The following VPS37A variants were observed in gnomAD, a reference collection of about 807,000 sequenced individuals.
The protein encoded by VPS37A is VPS37A subunit of ESCRT-I, also known as vacuolar protein sorting-associated protein 37A.
Under a neutral mutation model 49.8 loss-of-function variants are expected in VPS37A, and 30 were observed. The ratio of observed to expected loss-of-function variants is 0.60; its 90% CI spans 0.45 to 0.82. VPS37A has a LOEUF of 0.82. Among genes scored for constraint, VPS37A ranks in the 40% least tolerant of loss-of-function variants. The pLI is 0.00. For missense variants in VPS37A, 593 were observed against 464.4 expected (o/e 1.28, Z -2.55); for synonymous variants, 195 against 160.6 (o/e 1.21, Z -1.62).
chr8:17,311,788 G>A, the VPS37A span: 9 of 1,241,950 alleles, frequency 7.2e-6, no homozygotes, highest in Non-Finnish European at 1.0e-5. Flanking sequence ...CCCCTAATTA[G>A]GGCAGAGCCA....
chr8:17,289,896 T>C (rs1815980544), intron 11 of VPS37A, among the ~76,000 whole-genome samples: 1 of 152,204 alleles, frequency 6.6e-6, no homozygotes, highest in Admixed American at 6.5e-5. Flanking sequence ...TGGTTTGTAG[T>C]TCTCCTTGAA....
At chr8:17,322,282 C>G in the VPS37A span, among the ~76,000 whole-genome samples, 2 of 152,158 alleles carry the variant, frequency 1.3e-5, no homozygotes, top group African/African-American at 2.4e-5. Context: ...ATGGCCTGTA[C>G]GAGCGAAGTG....
downstream of VPS37A, chr8:17,305,779 G>C: frequency 1.2e-6 from 2 of 1,612,412 alleles, no homozygotes; most frequent in Non-Finnish European, 1.7e-6. Flanking sequence ...CTCTCCTTTT[G>C]GCTGTTACAT....
chr8:17,319,001 A>C, the VPS37A span, among the ~76,000 whole-genome samples: 1 of 152,250 alleles, frequency 6.6e-6, no homozygotes, highest in Admixed American at 6.5e-5. Context: ...TTTTAACAGC[A>C]GGGATTTCAC....
intron 9 of VPS37A, among the ~76,000 whole-genome samples, chr8:17,281,464 T>G (rs1485788758): frequency 1.3e-5 from 2 of 152,030 alleles, no homozygotes; most frequent in Admixed American, 6.5e-5. Context: ...AACATCATTC[T>G]TTATACAAAC....
At chr8:17,326,014 G>C in the VPS37A span, among the ~76,000 whole-genome samples, 67 of 152,316 alleles carry the variant, frequency 4.4e-4, no homozygotes, top group African/African-American at 1.4e-3. Context: ...ATGAATTAAA[G>C]TGGGGAAGAT....
At chr8:17,319,643 A>C in the VPS37A span, among the ~76,000 whole-genome samples, 1 of 152,140 alleles carries the variant, frequency 6.6e-6, no homozygotes, top group Non-Finnish European at 1.5e-5. Context: ...CAATCCTCAA[A>C]CAATCATTCT....
intron 4 of VPS37A, among the ~76,000 whole-genome samples, chr8:17,273,566 C>T (rs1334006857): frequency 6.6e-6 from 1 of 152,080 alleles, no homozygotes; most frequent in Non-Finnish European, 1.5e-5. Context: ...CGGGGTTTCA[C>T]CGTGTTAGCC....
At position 17,280,296 on chromosome 8, in the gene VPS37A, A is replaced by G; in HGVS notation, c.899A>G (p.Lys300Arg). 1 of 1,610,810 alleles carries G rather than the reference A, an allele frequency of 6.2e-7. No individual in the cohort carries two copies. The highest frequency in any genetic ancestry group is 1.3e-5 in the African/African-American group (1 of 74,854). Residue 300 changes from lysine to arginine, a missense_variant and splice_region_variant, in exon 8 of 12, where the codon AAG becomes AGG. Lys to Arg is a conservative substitution (Grantham distance 26, BLOSUM62 2). Coordinates refer to ENST00000324849, the MANE Select transcript of VPS37A (RefSeq NM_152415.3). ...LEAKRQTVLDKYELLTQMKST... is the reference protein window; with the variant it reads ...LEAKRQTVLDRYELLTQMKST... ...GCCAAAAGACAAACTGTTTTAGATAAGGTGAGTTAGTGATAATTTTGAAGA... is the reference window on the plus strand; with the variant it reads ...GCCAAAAGACAAACTGTTTTAGATAGGGTGAGTTAGTGATAATTTTGAAGA...
At chr8:17,251,458 G>A (rs144915677) in intron 1 of VPS37A, among the ~76,000 whole-genome samples, 56 of 152,296 alleles carry the variant, frequency 3.7e-4, no homozygotes, top group Admixed American at 8.5e-4. Context: ...GGCATAGGAC[G>A]AATTACATTC....
chr8:17,284,038 G>A (rs1172519448), intron 9 of VPS37A, among the ~76,000 whole-genome samples: 1 of 152,068 alleles, frequency 6.6e-6, no homozygotes, highest in Admixed American at 6.5e-5. Flanking sequence ...GTCTTTCACT[G>A]CTTTAGTGAA....
chr8:17,247,526 C>T (rs1811390480), intron 1 of VPS37A, 157 bp downstream of exon 1: 4 of 1,047,646 alleles, frequency 3.8e-6, no homozygotes, highest in Non-Finnish European at 5.6e-6. Flanking sequence ...CCACTCCTGC[C>T]CCCTTTTACT....
intron 9 of VPS37A, among the ~76,000 whole-genome samples, chr8:17,282,854 C>T (rs145852445): frequency 2.6e-5 from 4 of 152,188 alleles, no homozygotes; most frequent in Non-Finnish European, 5.9e-5. Context: ...CATATGGAAA[C>T]CACTTCATTA....
intron 4 of VPS37A, among the ~76,000 whole-genome samples, chr8:17,269,544 T>C (rs1813785998): frequency 6.6e-6 from 1 of 152,210 alleles, no homozygotes; most frequent in South Asian, 2.1e-4. Flanking sequence ...AAAATATCCT[T>C]TAAACCATTT....
intron 4 of VPS37A, among the ~76,000 whole-genome samples, chr8:17,271,498 C>A (rs574401370): frequency 6.6e-6 from 1 of 152,108 alleles, no homozygotes; most frequent in East Asian, 1.9e-4. Context: ...CCCAGCTACT[C>A]GGAAGGCTGA....
chr8:17,314,644 T>G, the VPS37A span, among the ~76,000 whole-genome samples: 1 of 152,230 alleles, frequency 6.6e-6, no homozygotes, highest in Non-Finnish European at 1.5e-5. Context: ...AGTTAAATTC[T>G]GAGTCATAGA....
At chr8:17,259,365 C>T (rs1239998473) in intron 1 of VPS37A, among the ~76,000 whole-genome samples, 1 of 152,010 alleles carries the variant, frequency 6.6e-6, no homozygotes, top group East Asian at 1.9e-4. Context: ...TTAATTTCCA[C>T]GTGGTTGTGT....
chr8:17,251,878 T>A (rs1812012673), intron 1 of VPS37A, among the ~76,000 whole-genome samples: 1 of 152,204 alleles, frequency 6.6e-6, no homozygotes, highest in African/African-American at 2.4e-5. Flanking sequence ...GAGTCAGCTC[T>A]TGTATAGTTC....
chr8:17,326,798 A>C, the VPS37A span, among the ~76,000 whole-genome samples: 1 of 152,356 alleles, frequency 6.6e-6, no homozygotes, highest in East Asian at 1.9e-4. Context: ...TGCAGCCTTG[A>C]AAGATGCTAA....
Sources: gnomAD v4.1 joint callset for allele counts (sites outside exome capture counted in the v4.1 genomes callset) on GRCh38, gnomAD v4.1.1 for gene constraint, MANE v1.5 for transcripts, NCBI Gene and HGNC (gene_info 2026-07-23, HGNC 2026-07-21) for gene names.